Variants in TBC1D19 observed in about 807,000 individuals in gnomAD.
TBC1D19 encodes TBC1 domain family, member 19.
TBC1D19 carries 60 observed loss-of-function variants against 89.0 expected under a neutral mutation model. The ratio of observed to expected loss-of-function variants is 0.67; its 90% CI spans 0.55 to 0.84. The LOEUF is 0.84. TBC1D19 is among the 40% of genes least tolerant of loss of function. TBC1D19 has a pLI of 0.00. For missense variants in TBC1D19, 500 were observed against 610.8 expected (o/e 0.82, Z 1.91); for synonymous variants, 189 against 199.7 (o/e 0.95, Z 0.45).
At chr4:26,811,535 A>T in the TBC1D19 span, among the ~76,000 whole-genome samples, 1 of 152,214 alleles carries the variant, frequency 6.6e-6, no homozygotes, top group African/African-American at 2.4e-5. Flanking sequence ...ATCGGTCCCG[A>T]TCCAGACCCC....
intron 1 of TBC1D19, among the ~76,000 whole-genome samples, chr4:26,578,070 G>T (rs1320389756): frequency 6.6e-6 from 1 of 152,154 alleles, no homozygotes; most frequent in Admixed American, 6.5e-5. Flanking sequence ...CACCCACTTT[G>T]TTCCAGGGTC....
At chr4:26,640,550 C>T (rs1256631456) in intron 7 of TBC1D19, among the ~76,000 whole-genome samples, 1 of 152,066 alleles carries the variant, frequency 6.6e-6, no homozygotes, top group Non-Finnish European at 1.5e-5. Flanking sequence ...CTCATTGGGA[C>T]AGGTCAGAAA....
intron 1 of TBC1D19, among the ~76,000 whole-genome samples, chr4:26,596,566 T>C (rs758207575): frequency 4.0e-4 from 61 of 151,548 alleles, no homozygotes; most frequent in Non-Finnish European, 7.5e-4. Flanking sequence ...TTTTGGGGTT[T>C]ACTAATTTTC....
At chr4:26,631,899 T>G (rs1188552093) in intron 4 of TBC1D19, among the ~76,000 whole-genome samples, 2 of 152,128 alleles carry the variant, frequency 1.3e-5, no homozygotes, top group Non-Finnish European at 2.9e-5. Flanking sequence ...ACTTTTTCTC[T>G]TGACTGTTTT....
chr4:26,623,577 A>G (rs964722365), intron 4 of TBC1D19, among the ~76,000 whole-genome samples: 6 of 152,146 alleles, frequency 3.9e-5, no homozygotes, highest in East Asian at 1.9e-4. Context: ...TCTAAGATCA[A>G]CTGTGTGCTG....
intron 4 of TBC1D19, among the ~76,000 whole-genome samples, chr4:26,633,902 C>T (rs1482666912): frequency 6.6e-6 from 1 of 152,124 alleles, no homozygotes; most frequent in Non-Finnish European, 1.5e-5. Context: ...CCATCCTTGG[C>T]TGGGATTAAA....
the TBC1D19 span, among the ~76,000 whole-genome samples, chr4:26,774,457 C>T: frequency 6.6e-6 from 1 of 152,166 alleles, no homozygotes; most frequent in East Asian, 1.9e-4. Context: ...AATCTTTTTC[C>T]ATTTCACTTA....
intron 12 of TBC1D19, 101 bp from the exon 13 acceptor site, chr4:26,688,219 TTGAGAAGTTTATAATCATAAAGTAA>T: frequency 7.8e-7 from 1 of 1,276,624 alleles, no homozygotes; most frequent in Non-Finnish European, 1.0e-6. Context: ...TAAAATTTAA[TTGAGAAGTTTATAATCATAAAGTAA>T]TAAATTTATT....
At chr4:26,833,581 G>A in the TBC1D19 span, among the ~76,000 whole-genome samples, 16 of 152,178 alleles carry the variant, frequency 1.1e-4, no homozygotes, top group African/African-American at 3.9e-4. Context: ...TAAGCAAAGA[G>A]GAGCTTCTTA....
chr4:26,761,419 T>C, the TBC1D19 span, among the ~76,000 whole-genome samples: 1 of 152,226 alleles, frequency 6.6e-6, no homozygotes, highest in Non-Finnish European at 1.5e-5. Flanking sequence ...TTCTTGCACA[T>C]ATTTTGTTAA....
the TBC1D19 span, among the ~76,000 whole-genome samples, chr4:26,809,814 A>T: frequency 6.6e-6 from 1 of 151,486 alleles, no homozygotes; most frequent in Non-Finnish European, 1.5e-5. Context: ...CCTTCATCAA[A>T]CTCTCTTCCA....
the TBC1D19 span, among the ~76,000 whole-genome samples, chr4:26,778,232 A>G: frequency 1.3e-5 from 2 of 151,990 alleles, no homozygotes; most frequent in Non-Finnish European, 2.9e-5. Context: ...TGGCTAACAC[A>G]GTGAAACCCC....
intron 13 of TBC1D19, among the ~76,000 whole-genome samples, chr4:26,699,917 G>A (rs1715170050): frequency 6.6e-6 from 1 of 151,710 alleles, no homozygotes; most frequent in Admixed American, 6.6e-5. Flanking sequence ...AATGTAAATG[G>A]CAAGTTAATG....
intron 15 of TBC1D19, among the ~76,000 whole-genome samples, chr4:26,735,028 A>C (rs987566355): frequency 7.0e-6 from 1 of 143,848 alleles, no homozygotes; most frequent in Non-Finnish European, 1.5e-5. Flanking sequence ...ATACACATGT[A>C]TATATGTATA....
At chr4:26,801,556 T>C in the TBC1D19 span, among the ~76,000 whole-genome samples, 1 of 152,176 alleles carries the variant, frequency 6.6e-6, no homozygotes, top group Non-Finnish European at 1.5e-5. Flanking sequence ...AAGTCATTGG[T>C]AGCTTGATGG....
intron 1 of TBC1D19, among the ~76,000 whole-genome samples, chr4:26,606,843 G>C (rs566342560): frequency 6.6e-6 from 1 of 152,104 alleles, no homozygotes; most frequent in Non-Finnish European, 1.5e-5. Context: ...CCTTTCTGTA[G>C]AACTTCCTAT....
chr4:26,844,360 C>T, the TBC1D19 span, among the ~76,000 whole-genome samples: 3 of 152,148 alleles, frequency 2.0e-5, no homozygotes, highest in Non-Finnish European at 4.4e-5. Context: ...TTTAGATCGT[C>T]AAATAAAATA....
chr4:26,823,125 G>GC, the TBC1D19 span, among the ~76,000 whole-genome samples: 5 of 152,178 alleles, frequency 3.3e-5, no homozygotes, highest in African/African-American at 4.8e-5. Flanking sequence ...ATGGCAGAAG[G>GC]CAAGGAGGAG....
intron 15 of TBC1D19, among the ~76,000 whole-genome samples, chr4:26,722,677 C>G (rs1013563098): frequency 6.6e-6 from 1 of 151,628 alleles, no homozygotes; most frequent in African/African-American, 2.4e-5. Flanking sequence ...CTCAAGACAC[C>G]AAAAAAAATC....
Sources: allele counts gnomAD v4.1 joint callset (sites outside exome capture counted in the v4.1 genomes callset), GRCh38; gene constraint gnomAD v4.1.1; transcripts MANE v1.5; gene names NCBI Gene and HGNC (gene_info 2026-07-23, HGNC 2026-07-21).